The following PALS1 variants were observed in gnomAD, a reference collection of about 807,000 sequenced individuals.
PALS1 encodes the protein protein PALS1.
PALS1 carries 31 observed loss-of-function variants against 78.9 expected under a neutral mutation model. The ratio of observed to expected loss-of-function variants is 0.39; its 90% confidence interval spans 0.30 to 0.53. The LOEUF (loss-of-function observed/expected upper bound fraction) is 0.53, where lower values mean the gene tolerates loss of function less well. Among genes scored for constraint, PALS1 ranks in the 20% least tolerant of loss-of-function variants. The pLI, the probability that PALS1 is intolerant of heterozygous loss-of-function variation, is 0.67. For synonymous variants in PALS1, 276 were observed against 270.9 expected (o/e 1.02, Z -0.18); for missense variants, 704 against 826.5 (o/e 0.85, Z 1.82).
intron 2 of PALS1, among the ~76,000 whole-genome samples, chr14:67,272,491 TAAA>T (rs2084423797): frequency 6.6e-6 from 1 of 152,212 alleles, no homozygotes; most frequent in Non-Finnish European, 1.5e-5. Flanking sequence ...GGCTGGCACA[TAAA>T]GAAGTGCTCA....
chr14:67,275,168 T>G (rs541435323), intron 2 of PALS1, among the ~76,000 whole-genome samples: 1 of 152,126 alleles, frequency 6.6e-6, no homozygotes, highest in South Asian at 2.1e-4. Context: ...TGAATAGGAG[T>G]GGTGAGAGAG....
chr14:67,257,030 T>C (rs2084155748), intron 1 of PALS1, among the ~76,000 whole-genome samples: 1 of 151,840 alleles, frequency 6.6e-6, no homozygotes, highest in South Asian at 2.1e-4. Flanking sequence ...TTAAATACGT[T>C]TTAGGGAGAC....
In PALS1 at chr14:67,334,930, T is replaced by G. The variant is rs972672022; in HGVS notation, c.*1974T>G. 1 of 152,254 alleles carries G rather than the reference T, an allele frequency of 6.6e-6. No homozygotes were observed. The highest frequency in any genetic ancestry group is 6.5e-5 in the Admixed American group (1 of 15,272). The allele number at this position is 152,254 out of a possible 1,614,324, so 9.4% of individuals were successfully genotyped here. On this transcript the variant is annotated 3_prime_UTR_variant, in exon 15 of 15. Coordinates refer to ENST00000261681, the MANE Select transcript of PALS1 (RefSeq NM_022474.4). Reference sequence around the variant, plus strand: ...GACAACTGTTTTCAACTCCAAGAGCTAAACTATTGGCAGTTCATGTTAAGT... The same window carrying G: ...GACAACTGTTTTCAACTCCAAGAGCGAAACTATTGGCAGTTCATGTTAAGT...
chr14:67,241,671 G>A (rs10144090), intron 1 of PALS1, 138 bp downstream of exon 1: 23,438 of 152,370 alleles, frequency 0.15, 3,405 homozygotes, highest in East Asian at 0.42. Context: ...GGAGACCCCT[G>A]GCAGCCAGGC....
chr14:67,310,831 GTCTA>G lies in PALS1; in HGVS notation c.1042-1682_1042-1679del, dbSNP rs372046599. Among the ~76,000 whole-genome samples the G allele has an allele frequency of 8.5e-3, 1,292 of 151,994 alleles. 16 individuals are homozygous for G. Among genetic ancestry groups the G allele is most frequent in the African/African-American group, 0.026 (1,094 of 41,428 alleles). Reference sequence around the variant, plus strand: ...AAATTTTTTAAAAAGCCATTTATCTGTCTATCTATCTATCTATGTCTATCTTTGT... The same window carrying G: ...AAATTTTTTAAAAAGCCATTTATCTGTCTATCTATCTATGTCTATCTTTGT... On this transcript the variant is annotated intron_variant, in intron 8 of 14. Coordinates refer to ENST00000261681, the MANE Select transcript of PALS1 (RefSeq NM_022474.4).
chr14:67,314,350 C>T (rs2085137094), intron 9 of PALS1, among the ~76,000 whole-genome samples: 1 of 152,186 alleles, frequency 6.6e-6, no homozygotes, highest in Non-Finnish European at 1.5e-5. Flanking sequence ...GAGATTTCAA[C>T]ATAATATTTA....
chr14:67,281,160 G>C (rs1329430149), intron 3 of PALS1, among the ~76,000 whole-genome samples: 1 of 151,834 alleles, frequency 6.6e-6, no homozygotes, highest in Non-Finnish European at 1.5e-5. Context: ...ACCTTCCAAA[G>C]TGCTGGGATT....
At chr14:67,315,268 ATTTTTTT>A (rs531037352) in intron 9 of PALS1, among the ~76,000 whole-genome samples, 66 of 101,586 alleles carry the variant, frequency 6.5e-4, no homozygotes, top group Admixed American at 1.3e-3. Flanking sequence ...CTTATTTTTA[ATTTTTTT>A]TTTTTTTTTT....
chr14:67,243,633 C>T (rs1044527657), intron 1 of PALS1, among the ~76,000 whole-genome samples: 4 of 151,578 alleles, frequency 2.6e-5, no homozygotes, highest in Non-Finnish European at 1.5e-5. Flanking sequence ...GTTGGGACTA[C>T]AGGTGCCCGC....
intron 5 of PALS1, 64 bp from the exon 6 acceptor site, chr14:67,301,907 TA>T: frequency 6.6e-7 from 1 of 1,510,356 alleles, no homozygotes; most frequent in South Asian, 1.4e-5. Context: ...GTACATAGGT[TA>T]AAAATCACTC....
At position 67,332,869 on chromosome 14, in the gene PALS1, T is replaced by G; in HGVS notation, c.1941T>G (p.Asp647Glu). 1 of 1,614,054 alleles carries G rather than the reference T, an allele frequency of 6.2e-7. No homozygotes were observed. The highest frequency in any genetic ancestry group is 2.2e-5 in the East Asian group (1 of 44,890). The change falls in exon 15 of 15, where the codon GAT becomes GAG. Residue 647 changes from aspartate to glutamate, a missense_variant. Physicochemically the swap from Asp to Glu is conservative, Grantham distance 45. Coordinates refer to ENST00000261681, the MANE Select transcript of PALS1 (RefSeq NM_022474.4). ...HYFDTAIVNS[D>E]LDKAYQELLR... ...TTGATACGGCAATTGTGAATTCCGATCTTGATAAAGCCTATCAGGAATTGC... is the reference window on the plus strand; with the variant it reads ...TTGATACGGCAATTGTGAATTCCGAGCTTGATAAAGCCTATCAGGAATTGC...
At chr14:67,312,466 TA>T in intron 8 of PALS1, 60 bp from the exon 9 acceptor site, 1 of 1,185,776 alleles carries the variant, frequency 8.4e-7, no homozygotes, top group Non-Finnish European at 1.1e-6. Context: ...ATTTAAATTG[TA>T]TTCATATGAA....
intron 1 of PALS1, among the ~76,000 whole-genome samples, chr14:67,248,107 A>T (rs923458662): frequency 6.6e-6 from 1 of 152,210 alleles, no homozygotes; most frequent in Non-Finnish European, 1.5e-5. Context: ...ATCTGTTAAT[A>T]TGGTGAATTA....
intron 6 of PALS1, 76 bp downstream of exon 6, chr14:67,302,194 A>C (rs1595599072): frequency 6.9e-7 from 1 of 1,451,042 alleles, no homozygotes; most frequent in East Asian, 2.4e-5. Flanking sequence ...GGTTAATTTC[A>C]GAATTCTAAT....
intron 8 of PALS1, among the ~76,000 whole-genome samples, chr14:67,306,761 A>G (rs1215785874): frequency 1.3e-5 from 2 of 152,224 alleles, no homozygotes; most frequent in Non-Finnish European, 2.9e-5. Context: ...AACTGCTATT[A>G]TTAAAGCTCA....
chr14:67,263,468 C>G (rs139339837), intron 1 of PALS1, among the ~76,000 whole-genome samples: 246 of 152,308 alleles, frequency 1.6e-3, no homozygotes, highest in African/African-American at 5.7e-3. Flanking sequence ...AAGAGAATCT[C>G]TATGAACAAG....
At chr14:67,328,019 A>G (rs952493983) in intron 14 of PALS1, among the ~76,000 whole-genome samples, 18 of 152,164 alleles carry the variant, frequency 1.2e-4, no homozygotes, top group Non-Finnish European at 2.6e-4. Flanking sequence ...GGCTGGGTCA[A>G]ATGGTATTTC....
chr14:67,316,101 AT>A (rs2085171241), intron 9 of PALS1, among the ~76,000 whole-genome samples: 1 of 152,262 alleles, frequency 6.6e-6, no homozygotes, highest in Non-Finnish European at 1.5e-5. Flanking sequence ...AGATTTAAAA[AT>A]AAAATAAAAA....
chr14:67,301,368 A>G, intron 4 of PALS1, 21 bp from the exon 5 acceptor site: 1 of 1,568,336 alleles, frequency 6.4e-7, no homozygotes, highest in Non-Finnish European at 8.7e-7. Flanking sequence ...AGGAAGAATA[A>G]TCTTTATTTT....
Sources: gnomAD v4.1 joint callset for allele counts (sites outside exome capture counted in the v4.1 genomes callset) on GRCh38, gnomAD v4.1.1 for gene constraint, MANE v1.5 for transcripts, NCBI Gene and HGNC (gene_info 2026-07-23, HGNC 2026-07-21) for gene names.